GNA14: variants seen among roughly 807,000 people sequenced by gnomAD.
GNA14 encodes G protein subunit alpha 14.
In GNA14, 50 loss-of-function variants were observed where a neutral mutation model predicts 42.0. The ratio of observed to expected loss-of-function variants is 1.19; its 90% CI spans 0.95 to 1.51. The LOEUF (loss-of-function observed/expected upper bound fraction) is 1.51. GNA14 is among the 40% of genes most tolerant of loss of function. The probability of loss-of-function intolerance (pLI) is 0.00; values close to 1 mark genes in which losing one functional copy is unlikely to be tolerated. For synonymous variants in GNA14, 173 were observed against 163.1 expected, an observed-to-expected ratio of 1.06 and a Z score of -0.46; for missense variants, 473 against 446.2, an observed-to-expected ratio of 1.06 and a Z score of -0.54.
chr9:77,636,938 C>G (rs999893939), intron 1 of GNA14, among the ~76,000 whole-genome samples: 13 of 152,180 alleles, frequency 8.5e-5, no homozygotes, highest in African/African-American at 3.1e-4. Context: ...GGTTCCTCAG[C>G]ACTCCTAAGT....
At position 77,614,127 on chromosome 9, in the gene GNA14, G is replaced by T. The variant is rs570540403; in HGVS notation, c.124+33543C>A. Among the ~76,000 whole-genome samples, 22 of 152,272 alleles carry T rather than the reference G, an allele frequency of 1.4e-4. No homozygotes were observed. The South Asian group carries it at 2.5e-3, about 17-fold the overall frequency. On this transcript the variant is annotated intron_variant, in intron 1 of 6. Transcript: ENST00000341700. ...CATGGAGTTCAATGTACATGTTCAT[G>T]GTTGGCCAGCTTTCCTCCATGCAGC...
chr9:77,625,182 T>C (rs1199088600), intron 1 of GNA14, among the ~76,000 whole-genome samples: 6 of 151,182 alleles, frequency 4.0e-5, no homozygotes, highest in Non-Finnish European at 7.4e-5. Context: ...CTTAACGAAA[T>C]AAAGCATGAA....
chr9:77,470,422 A>G (rs930762237), intron 2 of GNA14, among the ~76,000 whole-genome samples: 2 of 152,252 alleles, frequency 1.3e-5, no homozygotes, highest in African/African-American at 2.4e-5. Flanking sequence ...GATCCAATCC[A>G]GTAGCAATGT....
At chr9:77,473,611 ATTTTTT>A (rs200957339) in intron 2 of GNA14, among the ~76,000 whole-genome samples, 253 of 132,544 alleles carry the variant, frequency 1.9e-3, no homozygotes, top group African/African-American at 6.5e-3. Context: ...TTTCACCTGG[ATTTTTT>A]TTTTTTTTTT....
chr9:77,495,314 T>C (rs759795900), intron 2 of GNA14, among the ~76,000 whole-genome samples: 1 of 151,882 alleles, frequency 6.6e-6, no homozygotes, highest in African/African-American at 2.4e-5. Context: ...AACTAGCTAA[T>C]GATGAATTTT....
chr9:77,620,593 A>G (rs1691173013), intron 1 of GNA14, among the ~76,000 whole-genome samples: 1 of 152,208 alleles, frequency 6.6e-6, no homozygotes, highest in Non-Finnish European at 1.5e-5. Context: ...TCGTGCCTGT[A>G]ATCCCAGCAC....
chr9:77,491,810 T>C (rs1317128487), intron 2 of GNA14, among the ~76,000 whole-genome samples: 4 of 152,180 alleles, frequency 2.6e-5, no homozygotes, highest in Non-Finnish European at 5.9e-5. Context: ...TTAGACCAAA[T>C]AGGCCTAACT....
intron 2 of GNA14, among the ~76,000 whole-genome samples, chr9:77,478,446 G>C (rs1417814158): frequency 1.3e-5 from 2 of 152,120 alleles, no homozygotes; most frequent in African/African-American, 4.8e-5. Flanking sequence ...ATTTGGGTTG[G>C]TTCCAAGTCT....
chr9:77,563,541 G>A (rs191308273), intron 1 of GNA14, among the ~76,000 whole-genome samples: 4 of 152,252 alleles, frequency 2.6e-5, no homozygotes, highest in Admixed American at 2.6e-4. Flanking sequence ...TATAAAATAT[G>A]CCTGATTCTT....
intron 2 of GNA14, among the ~76,000 whole-genome samples, chr9:77,502,206 T>A (rs1421460068): frequency 6.6e-6 from 1 of 152,218 alleles, no homozygotes; most frequent in African/African-American, 2.4e-5. Flanking sequence ...TTATAATTGC[T>A]CATTGAAACA....
At chr9:77,549,929 C>T (rs769485729) in intron 1 of GNA14, among the ~76,000 whole-genome samples, 8 of 152,198 alleles carry the variant, frequency 5.3e-5, no homozygotes, top group Admixed American at 2.0e-4. Context: ...ACTTCTAGGG[C>T]TTGCATGGGC....
Position 77,578,822 on chromosome 9 carries a change from T to G in GNA14, c.125-49569A>C, listed in dbSNP as rs546596965. On this transcript the variant is annotated intron_variant, in intron 1 of 6. Coordinates refer to ENST00000341700, the MANE Select transcript of GNA14 (RefSeq NM_004297.4). ...GAGGATTCATTACTGGAAAAGGGAA[T>G]GAACCAGCTGGGTAAGAGGGGCAGA... is the stretch of plus-strand genomic sequence containing the variant. Among the ~76,000 whole-genome samples the G allele has an allele frequency of 2.6e-5, 4 of 152,290 alleles. No homozygotes were observed. In the South Asian group the frequency reaches 8.3e-4, roughly 32 times the overall value.
rs529596166 is a variant in GNA14, at chr9:77,514,237, G to A, written c.309+14832C>T. On this transcript the variant is annotated intron_variant, in intron 2 of 6. Transcript: ENST00000341700. ...TGTGGACCCCTGTTGCTTTTTGCCC[G>A]ATATCACAGTCCCATAGTCAAGGAG... 3.6e-4 allele frequency among the ~76,000 whole-genome samples: 55 copies of A among 152,118 alleles called. 1 individual carries two copies. The highest frequency in any genetic ancestry group is 1.2e-3 in the African/African-American group (48 of 41,522).
intron 1 of GNA14, among the ~76,000 whole-genome samples, chr9:77,607,025 C>T (rs75543763): frequency 1.3e-5 from 2 of 152,296 alleles, no homozygotes; most frequent in East Asian, 3.9e-4. Flanking sequence ...ACTCTGATCT[C>T]AGACTTCCCA....
In GNA14 at chr9:77,492,339, CAATTT is replaced by C. The variant is rs571220163; in HGVS notation, c.309+36725_309+36729del. Among the ~76,000 whole-genome samples the C allele has an allele frequency of 1.7e-3, 251 of 150,846 alleles. 2 individuals are homozygous for C. Among genetic ancestry groups the C allele is most frequent in the African/African-American group, 5.4e-3 (222 of 41,262 alleles). On this transcript the variant is annotated intron_variant, in intron 2 of 6. Coordinates refer to ENST00000341700, the MANE Select transcript of GNA14 (RefSeq NM_004297.4). The stretch of plus-strand genomic sequence containing the variant: ...TAAATTTTATTTATAAAAATAAATA[CAATTT>C]ATTTATAAAAAATACAGGTCAGCAT...
chr9:77,614,724 T>G (rs1197556354), intron 1 of GNA14, among the ~76,000 whole-genome samples: 1 of 152,188 alleles, frequency 6.6e-6, no homozygotes, highest in Non-Finnish European at 1.5e-5. Flanking sequence ...TGTTCTGCCT[T>G]CCTTCTTCCC....
At position 77,515,960 on chromosome 9, in the gene GNA14, C is replaced by CAAAAA. The variant is rs1158448237; in HGVS notation, c.309+13104_309+13108dup. Among the ~76,000 whole-genome samples, 356 of 52,714 alleles carry CAAAAA rather than the reference C, an allele frequency of 6.8e-3. 22 individuals are homozygous for CAAAAA. Among genetic ancestry groups the CAAAAA allele is most frequent in the African/African-American group, 0.021 (327 of 15,720 alleles). The allele number at this position is 52,714 out of a possible 152,430, so 34.6% of individuals were successfully genotyped here. A position where few individuals can be genotyped will look rare whatever the true frequency, so the allele number is the denominator to read the frequency against. ...GGCAACGCAGCAAGACCCTGTCTCACAAAAAAAAAAAAAAAAAAAAAAACC... is the reference window on the plus strand; with the variant it reads ...GGCAACGCAGCAAGACCCTGTCTCACAAAAAAAAAAAAAAAAAAAAAAAAAAAACC... On this transcript the variant is annotated intron_variant, in intron 2 of 6. Coordinates refer to ENST00000341700, the MANE Select transcript of GNA14 (RefSeq NM_004297.4).
chr9:77,548,482 C>T (rs1837748550), intron 1 of GNA14, among the ~76,000 whole-genome samples: 1 of 152,106 alleles, frequency 6.6e-6, no homozygotes, highest in South Asian at 2.1e-4. Flanking sequence ...CAGCACAGGG[C>T]CTGTTTGGGA....
chr9:77,531,772 G>A (rs1346073605), intron 1 of GNA14, among the ~76,000 whole-genome samples: 1 of 152,104 alleles, frequency 6.6e-6, no homozygotes, highest in Non-Finnish European at 1.5e-5. Context: ...AATAGTTAAA[G>A]CTAACCCCAC....
Sources: gnomAD v4.1 joint callset for allele counts (sites outside exome capture counted in the v4.1 genomes callset) on GRCh38, gnomAD v4.1.1 for gene constraint, MANE v1.5 for transcripts, NCBI Gene and HGNC (gene_info 2026-07-23, HGNC 2026-07-21) for gene names.